Variants in AKR1C2 observed in about 807,000 individuals in gnomAD.
The protein encoded by AKR1C2 is aldo-keto reductase family 1 member C2, also known as 3-alpha-HSD3.
Under a neutral mutation model 39.8 loss-of-function variants are expected in AKR1C2, and 27 were observed. The ratio of observed to expected loss-of-function variants is 0.68; its 90% CI spans 0.50 to 0.93. The LOEUF (loss-of-function observed/expected upper bound fraction) is 0.93. Ranked by LOEUF, AKR1C2 falls within the 40% of genes least tolerant of loss-of-function variation. The pLI, the probability that AKR1C2 is intolerant of heterozygous loss-of-function variation, is 0.00. For synonymous variants in AKR1C2, 114 were observed against 137.9 expected (o/e 0.83, Z 1.22); for missense variants, 263 against 365.1 (o/e 0.72, Z 2.28).
In AKR1C2 at chr10:5,003,769, T is replaced by G. The variant is rs1837341564; in HGVS notation, c.67A>C (p.Thr23Pro). 1.2e-6 allele frequency: 2 copies of G among 1,613,988 alleles called. No homozygotes were observed. Among genetic ancestry groups the G allele is most frequent in the Non-Finnish European group, 1.7e-6 (2 of 1,179,952 alleles). The change falls in exon 1 of 9, where the codon ACC (threonine) becomes CCC (proline). Residue 23 changes from threonine (T) to proline (P), a missense_variant. Transcript: ENST00000380753. Reference sequence around the variant, plus strand: ...ATTGTTACCTCTGCAGGCGCATAGGTGCCAAATCCCAGGACAGGCATGAAG... The same window carrying G: ...ATTGTTACCTCTGCAGGCGCATAGGGGCCAAATCCCAGGACAGGCATGAAG... ...GHFMPVLGFG[T>P]YAPAEVPKSK...
intron 1 of AKR1C2, among the ~76,000 whole-genome samples, chr10:5,012,501 C>T (rs1364646166): frequency 2.0e-5 from 3 of 150,086 alleles, no homozygotes; most frequent in East Asian, 1.9e-4. Flanking sequence ...TAAGGAAAGA[C>T]CCATAGGGAA....
Position 4,998,796 on chromosome 10 carries a change from C to A in AKR1C2, c.448-49G>T, listed in dbSNP as rs781803998. 5 of 1,609,896 alleles carry A rather than the reference C, an allele frequency of 3.1e-6. No homozygotes were observed. In the East Asian group the frequency reaches 1.1e-4, roughly 36 times the overall value. ...ATCATTTGTGTAGTCGACTGAAGAG[C>A]AAGATAAATGTAACATAGAACTGTG... On this transcript the variant is annotated intron_variant, in intron 4 of 8. Coordinates refer to ENST00000380753, the MANE Select transcript of AKR1C2 (RefSeq NM_001393392.1).
At chr10:4,990,128 T>C (rs1467018130) in intron 8 of AKR1C2, 90 bp from the exon 9 acceptor site, 28 of 1,506,716 alleles carry the variant, frequency 1.9e-5, no homozygotes, top group East Asian at 1.4e-4. Flanking sequence ...CTGCCGCTAG[T>C]GTAGATGTTA....
chr10:5,000,490 G>T lies in AKR1C2; in HGVS notation c.369+60C>A, dbSNP rs560407182. 1.3e-5 allele frequency: 21 copies of T among 1,613,264 alleles called. No homozygotes were observed. In the African/African-American group the frequency reaches 2.3e-4, roughly 17 times the overall value. ...GAAAAAGCTTAGTTCAAATCTCCAT[G>T]AAAACAATATTTATGCTGAGAACAA... On this transcript the variant is annotated intron_variant, in intron 3 of 8. Coordinates refer to ENST00000380753, the MANE Select transcript of AKR1C2 (RefSeq NM_001393392.1).
At chr10:5,012,731 CACA>C (rs546945310) in intron 1 of AKR1C2, among the ~76,000 whole-genome samples, 28 of 152,174 alleles carry the variant, frequency 1.8e-4, no homozygotes, top group Non-Finnish European at 3.7e-4. Flanking sequence ...TGCTTCAGGC[CACA>C]ACATTTGTGA....
intron 1 of AKR1C2, chr10:5,014,825 T>C (rs1158504849): frequency 1.3e-5 from 2 of 152,242 alleles, no homozygotes; most frequent in African/African-American, 2.4e-5. Flanking sequence ...TATCTGCCCC[T>C]TTCCTTGCAA....
chr10:4,997,914 G>C (rs1837116100), intron 5 of AKR1C2, among the ~76,000 whole-genome samples: 1 of 152,180 alleles, frequency 6.6e-6, no homozygotes, highest in Non-Finnish European at 1.5e-5. Flanking sequence ...AAAGAACCAT[G>C]CATAGAATAG....
intron 8 of AKR1C2, among the ~76,000 whole-genome samples, chr10:4,990,244 C>T (rs1346488636): frequency 1.3e-5 from 2 of 152,056 alleles, no homozygotes; most frequent in African/African-American, 2.4e-5. Flanking sequence ...ATTCTATTCC[C>T]CTGCCTGGAA....
chr10:5,000,419 A>C, intron 3 of AKR1C2, 131 bp downstream of exon 3: 1 of 1,581,334 alleles, frequency 6.3e-7, no homozygotes, highest in South Asian at 1.1e-5. Context: ...ATTAGGAGTT[A>C]TGTTTAGGGC....
chr10:4,998,694 G>T lies in AKR1C2; in HGVS notation c.501C>A (p.Asn167Lys), dbSNP rs146403999. The change falls in exon 5 of 9, where the codon AAC becomes AAA. Residue 167 changes from asparagine (N) to lysine (K), a missense_variant. Physicochemically the swap from Asn to Lys is moderately conservative, Grantham distance 94 (BLOSUM62 0). Transcript: ENST00000380753. Reference protein sequence around the residue: ...AGLAKSIGVSNFNHRLLEMIL... With the variant: ...AGLAKSIGVSKFNHRLLEMIL... ...TCATCTCCAGCAGCCTGTGGTTGAA[G>T]TTGGACACCCCGATGGACTTGGCCA... The T allele has an allele frequency of 1.9e-6, 3 of 1,614,054 alleles. No homozygotes were observed. The African/African-American group carries it at 4.0e-5, about 22-fold the overall frequency.
At chr10:5,001,387 GTAAGTGT>G in intron 2 of AKR1C2, 120 bp downstream of exon 2, 1 of 1,487,532 alleles carries the variant, frequency 6.7e-7, no homozygotes, top group Non-Finnish European at 9.0e-7. Context: ...TAATACATGA[GTAAGTGT>G]GAATAAATCG....
At chr10:5,011,763 G>A (rs552316592) in intron 1 of AKR1C2, among the ~76,000 whole-genome samples, 1 of 152,334 alleles carries the variant, frequency 6.6e-6, no homozygotes, top group African/African-American at 2.4e-5. Context: ...ATGGAAAGAG[G>A]AAACACGAGA....
chr10:4,998,308 A>C (rs1837131222), intron 5 of AKR1C2, among the ~76,000 whole-genome samples: 2 of 151,492 alleles, frequency 1.3e-5, no homozygotes, highest in African/African-American at 4.9e-5. Flanking sequence ...TCACCCGTCC[A>C]CTCTCTGGTC....
intron 1 of AKR1C2, among the ~76,000 whole-genome samples, chr10:5,010,869 A>G (rs1344709124): frequency 1.2e-4 from 19 of 152,114 alleles, no homozygotes; most frequent in Admixed American, 7.2e-4. Context: ...TTAATTAAAT[A>G]TAAGACCTGA....
intron 7 of AKR1C2, among the ~76,000 whole-genome samples, chr10:4,992,429 A>C (rs1243392625): frequency 3.3e-5 from 5 of 152,204 alleles, no homozygotes; most frequent in Non-Finnish European, 7.3e-5. Flanking sequence ...GGAGACTCTA[A>C]ATATCAAAAA....
intron 1 of AKR1C2, among the ~76,000 whole-genome samples, chr10:5,014,736 A>G (rs1390911006): frequency 1.3e-5 from 2 of 152,186 alleles, no homozygotes; most frequent in Non-Finnish European, 2.9e-5. Context: ...GGCATGGACA[A>G]TGTCTAACAG....
intron 4 of AKR1C2, 94 bp from the exon 5 acceptor site, chr10:4,998,841 C>G: frequency 1.3e-6 from 2 of 1,551,218 alleles, no homozygotes; most frequent in South Asian, 1.2e-5. Flanking sequence ...ACTGTCTAGA[C>G]GTGACAATCA....
rs2854482 is a variant in AKR1C2 at position 5,001,629 on chromosome 10, A to T, written c.137T>A (p.Phe46Tyr). 61,230 of 1,613,932 alleles carry T rather than the reference A, an allele frequency of 0.038. 1,812 individuals carry two copies. Among genetic ancestry groups the T allele is most frequent in the African/African-American group, 0.15 (11,602 of 74,990 alleles). The change falls in exon 2 of 9, where the codon TTC becomes TAC. Residue 46 changes from phenylalanine to tyrosine, a missense_variant. Physicochemically the swap from Phe to Tyr is conservative, Grantham distance 22. Around this residue, in one of 3 missense-constraint regions of AKR1C2, gnomAD observed 247 missense variants for 267.9 expected, o/e 0.92. Coordinates refer to ENST00000380753, the MANE Select transcript of AKR1C2 (RefSeq NM_001393392.1). ...AACATGTGCAGAATCAATATGGTGG[A>T]ACCCGGCTTCTATTGCCAATTTGAC... ...EAVKLAIEAG[F>Y]HHIDSAHVYN...
chr10:4,996,128 A>G (rs1453073782), intron 5 of AKR1C2: 6 of 472,756 alleles, frequency 1.3e-5, no homozygotes, highest in Non-Finnish European at 2.0e-5. Flanking sequence ...GACACGGCCA[A>G]TTTCAGAGCT....
Sources: gnomAD v4.1 joint callset for allele counts (sites outside exome capture counted in the v4.1 genomes callset) on GRCh38, gnomAD v4.1.1 for gene constraint, gnomAD v4.1.1 regional missense constraint, MANE v1.5 for transcripts, NCBI Gene and HGNC (gene_info 2026-07-23, HGNC 2026-07-21) for gene names.